CHODL: variants seen among roughly 807,000 people sequenced by gnomAD.
The protein encoded by CHODL is chondrolectin, also known as transmembrane protein MT75.
CHODL carries 29 observed loss-of-function variants against 34.5 expected under a neutral mutation model. The observed-to-expected ratio is 0.84, with a 90% CI of 0.63 to 1.15. CHODL has a LOEUF of 1.15. CHODL is among the 50% of genes most tolerant of loss of function. The pLI is 0.00. For synonymous variants in CHODL, 125 were observed against 116.1 expected (o/e 1.08, Z -0.49); for missense variants, 332 against 332.5 (o/e 1.00, Z 0.01).
chr21:17,981,570 G>A (rs1164780959), intron 1 of CHODL, among the ~76,000 whole-genome samples: 8 of 152,120 alleles, frequency 5.3e-5, no homozygotes, highest in Non-Finnish European at 1.2e-4. Flanking sequence ...ACAGAAATAA[G>A]AGTCGGACAA....
Position 18,265,933 on chromosome 21 carries a change from AT to A in CHODL, c.738-15del, listed in dbSNP as rs1257268774. On this transcript the variant is annotated intron_variant, in intron 5 of 5. Transcript: ENST00000299295. ...TAATAAGAAATTTTAGGCACTAAAC[AT>A]TTTTTCTTATGTTTTTCAGTAAAGG... The A allele has an allele frequency of 3.7e-6, 6 of 1,602,498 alleles. No individual in the cohort carries two copies. The highest frequency in any genetic ancestry group is 2.2e-5 in the East Asian group (1 of 44,722).
chr21:18,086,839 T>G (rs1012501753), intron 2 of CHODL, among the ~76,000 whole-genome samples: 12 of 152,172 alleles, frequency 7.9e-5, no homozygotes, highest in Admixed American at 2.0e-4. Flanking sequence ...GGCCTCCAGA[T>G]AGCTTGCTTA....
At chr21:18,248,029 TCTTTCTAGTGTGCATAG>T (rs946916599) in intron 1 of CHODL, among the ~76,000 whole-genome samples, 12 of 151,954 alleles carry the variant, frequency 7.9e-5, no homozygotes, top group African/African-American at 2.9e-4. Flanking sequence ...TTTCCTTTTT[TCTTTCTAGTGTGCATAG>T]CAGTGATCCC....
chr21:17,983,030 A>G (rs187448991), intron 1 of CHODL, among the ~76,000 whole-genome samples: 5 of 152,120 alleles, frequency 3.3e-5, no homozygotes, highest in African/African-American at 9.6e-5. Flanking sequence ...CATCGCCTAC[A>G]TATGTAGTGT....
intron 1 of CHODL, among the ~76,000 whole-genome samples, chr21:18,248,698 T>TAATAC (rs2074181738): frequency 1.6e-5 from 2 of 122,818 alleles, no homozygotes; most frequent in Non-Finnish European, 3.2e-5. Context: ...TATATACATA[T>TAATAC]ATATGTATAT....
At chr21:18,123,898 T>G (rs2065510495) in intron 2 of CHODL, among the ~76,000 whole-genome samples, 1 of 152,080 alleles carries the variant, frequency 6.6e-6, no homozygotes, top group Non-Finnish European at 1.5e-5. Context: ...CTATAAAGCC[T>G]GCAACCCGGC....
In CHODL at chr21:18,250,995, A is replaced by C. The variant is rs373264946; in HGVS notation, c.80-5514A>C. On this transcript the variant is annotated intron_variant, in intron 1 of 5. Coordinates refer to ENST00000299295, the MANE Select transcript of CHODL (RefSeq NM_024944.3). ...ATATAATTATAGCGTGAGATATTAG[A>C]AAATATTTATTATTTTCATAACTAA... is the stretch of plus-strand genomic sequence containing the variant. 2.0e-5 allele frequency among the ~76,000 whole-genome samples: 3 copies of C among 151,684 alleles called. No homozygotes were observed. The East Asian group carries it at 5.8e-4, about 29-fold the overall frequency.
At chr21:17,958,314 C>G (rs1044528240) in intron 1 of CHODL, among the ~76,000 whole-genome samples, 2 of 152,132 alleles carry the variant, frequency 1.3e-5, no homozygotes, top group African/African-American at 4.8e-5. Flanking sequence ...GATCCCCTCT[C>G]AAATTTCTTC....
chr21:18,175,465 T>TA (rs1344960674), intron 2 of CHODL, among the ~76,000 whole-genome samples: 3 of 151,870 alleles, frequency 2.0e-5, no homozygotes, highest in Non-Finnish European at 4.4e-5. Flanking sequence ...TGGTGGTGTG[T>TA]GCCTATAATC....
chr21:18,065,153 A>G (rs1209754766), intron 2 of CHODL, among the ~76,000 whole-genome samples: 2 of 152,198 alleles, frequency 1.3e-5, no homozygotes, highest in Non-Finnish European at 2.9e-5. Flanking sequence ...CAAATGGCAC[A>G]TACATACACA....
upstream of CHODL, among the ~76,000 whole-genome samples, chr21:18,242,974 A>G (rs971449643): frequency 2.6e-5 from 4 of 152,144 alleles, no homozygotes; most frequent in African/African-American, 9.7e-5. Context: ...CCAAAGAAGG[A>G]CCTGTTTACA....
At chr21:18,230,786 A>G (rs1212146211) in intron 2 of CHODL, among the ~76,000 whole-genome samples, 1 of 152,146 alleles carries the variant, frequency 6.6e-6, no homozygotes, top group African/African-American at 2.4e-5. Flanking sequence ...AAGAATCACT[A>G]AGCAATCATA....
Position 18,245,031 on chromosome 21 carries a change from C to T in CHODL, c.-193C>T. On this transcript the variant is annotated 5_prime_UTR_variant, in exon 1 of 6. Transcript: ENST00000299295. The stretch of plus-strand genomic sequence containing the variant: ...TGAACTCCAGCCCCGCACATCCACG[C>T]GCGGCACAGGCGCGGCAGGCGGCAG... The T allele has an allele frequency of 2.1e-6, 1 of 486,692 alleles. No homozygotes were observed. The highest frequency in any genetic ancestry group is 3.5e-6 in the Non-Finnish European group (1 of 282,350). 30.1% of individuals were successfully genotyped at this position (486,692 alleles called of 1,614,324 possible). A position where few individuals can be genotyped will look rare whatever the true frequency, so the allele number is the denominator to read the frequency against.
In CHODL at chr21:18,106,538, C is replaced by T. The variant is rs868646534; in HGVS notation, c.-45+78567C>T. On this transcript the variant is annotated intron_variant, in intron 2 of 6. Coordinates refer to the CHODL transcript ENST00000400127. ...TGAGATGGAGTCTTGCTCTGTCGCCCAGGCTGGAGTGCAGTGGCTTGATCT... is the reference window on the plus strand; with the variant it reads ...TGAGATGGAGTCTTGCTCTGTCGCCTAGGCTGGAGTGCAGTGGCTTGATCT... Among the ~76,000 whole-genome samples, 76 of 150,740 alleles carry T rather than the reference C, an allele frequency of 5.0e-4. 1 individual carries two copies. Among genetic ancestry groups the T allele is most frequent in the African/African-American group, 1.7e-3 (68 of 40,736 alleles).
At chr21:17,963,346 C>T (rs1328951680) in intron 1 of CHODL, among the ~76,000 whole-genome samples, 1 of 152,106 alleles carries the variant, frequency 6.6e-6, no homozygotes, top group Non-Finnish European at 1.5e-5. Flanking sequence ...TTGTATTGTC[C>T]ATTTTCGTAC....
Position 18,007,894 on chromosome 21 carries a change from G to C in CHODL, c.-144-19978G>C, listed in dbSNP as rs532866271. 2.0e-5 allele frequency among the ~76,000 whole-genome samples: 3 copies of C among 152,224 alleles called. No individual in the cohort carries two copies. In the East Asian group the frequency reaches 5.8e-4, roughly 29 times the overall value. ...ATTGATTCAGGTAGAATCTTAATAT[G>C]GAGTTTGGAACAGTTGAAAACTGAG... On this transcript the variant is annotated intron_variant, in intron 1 of 6. Transcript: ENST00000400127.
intron 1 of CHODL, among the ~76,000 whole-genome samples, chr21:18,015,189 G>T (rs1026194271): frequency 2.6e-5 from 4 of 152,172 alleles, no homozygotes; most frequent in Non-Finnish European, 4.4e-5. Context: ...TGGAGGAGGG[G>T]TCTGATGGGA....
At chr21:18,135,690 C>G (rs2146601168) in intron 2 of CHODL, among the ~76,000 whole-genome samples, 1 of 152,290 alleles carries the variant, frequency 6.6e-6, no homozygotes, top group African/African-American at 2.4e-5. Flanking sequence ...CTCTCACTGA[C>G]AAAGGGTCAG....
In CHODL at chr21:18,065,818, T is replaced by C. The variant is rs537994052; in HGVS notation, c.-45+37847T>C. ...AAAGCTCAAATGAAGTTTTGGTAAA[T>C]TGTTCGAGGGTATTAGGAAATGCAT... On this transcript the variant is annotated intron_variant, in intron 2 of 6. Coordinates refer to the CHODL transcript ENST00000400127. 3.9e-5 allele frequency among the ~76,000 whole-genome samples: 6 copies of C among 152,254 alleles called. No individual in the cohort carries two copies. The South Asian group carries it at 1.2e-3, about 32-fold the overall frequency.
Sources: gnomAD v4.1 joint callset for allele counts (sites outside exome capture counted in the v4.1 genomes callset) on GRCh38, gnomAD v4.1.1 for gene constraint, MANE v1.5 for transcripts, NCBI Gene and HGNC (gene_info 2026-07-23, HGNC 2026-07-21) for gene names.